ARHGEF12: variants seen among roughly 807,000 people sequenced by gnomAD.
ARHGEF12 encodes Rho guanine nucleotide exchange factor 12.
A neutral mutation model predicts 211.2 loss-of-function variants in ARHGEF12; 66 were observed. The ratio of observed to expected loss-of-function variants is 0.31; its 90% confidence interval spans 0.26 to 0.38. The LOEUF (loss-of-function observed/expected upper bound fraction) is 0.38, where lower values mean the gene tolerates loss of function less well. Ranked by LOEUF, ARHGEF12 falls within the 10% of genes least tolerant of loss-of-function variation. The pLI, the probability that ARHGEF12 is intolerant of heterozygous loss-of-function variation, is 1.00. For missense variants in ARHGEF12, 1,429 were observed against 1,869.5 expected, an observed-to-expected ratio of 0.76 and a Z score of 4.34; for synonymous variants, 592 against 638.4, an observed-to-expected ratio of 0.93 and a Z score of 1.09.
chr11:120,467,567 C>T (rs1467362522), intron 29 of ARHGEF12, among the ~76,000 whole-genome samples: 1 of 149,956 alleles, frequency 6.7e-6, no homozygotes, highest in Admixed American at 6.7e-5. Context: ...CTCAGCTTCC[C>T]GAACAGCTGG....
chr11:120,445,646 C>G (rs1013950462), intron 16 of ARHGEF12, among the ~76,000 whole-genome samples, 182 bp downstream of exon 16: 1 of 151,342 alleles, frequency 6.6e-6, no homozygotes, highest in African/African-American at 2.4e-5. Context: ...CGCCTGTAAT[C>G]CCAGCACTTT....
At chr11:120,421,879 A>G in intron 6 of ARHGEF12, 27 bp downstream of exon 6, 3 of 1,581,174 alleles carry the variant, frequency 1.9e-6, no homozygotes, top group South Asian at 2.3e-5. Context: ...TATAGAATTT[A>G]CGGTAGGATT....
At chr11:120,441,367 T>G (rs1286224007) in intron 13 of ARHGEF12, among the ~76,000 whole-genome samples, 1 of 152,196 alleles carries the variant, frequency 6.6e-6, no homozygotes, top group Non-Finnish European at 1.5e-5. Context: ...TAAACAGCTA[T>G]TTTATGATTG....
chr11:120,457,557 A>G (rs1284428052), intron 23 of ARHGEF12, 164 bp from the exon 24 acceptor site: 1 of 489,096 alleles, frequency 2.0e-6, no homozygotes, highest in African/African-American at 2.0e-5. Context: ...AAATGTAGAA[A>G]GGTACTCAAA....
intron 13 of ARHGEF12, 49 bp from the exon 14 acceptor site, chr11:120,441,658 T>C: frequency 7.0e-7 from 1 of 1,437,352 alleles, no homozygotes; most frequent in Non-Finnish European, 9.7e-7. Context: ...ACTTTGCATT[T>C]AGTATTTGTA....
Position 120,460,760 on chromosome 11 carries a change from A to G in ARHGEF12, c.2613+3A>G, listed in dbSNP as rs1255686193. On this transcript the variant is annotated splice_donor_region_variant and intron_variant, in intron 27 of 40. Transcript: ENST00000397843. Reference sequence around the variant, plus strand: ...TTGGGGAAGATTTGCTGACATGGGTAAGGAAATTTTCTGTTTCTTTTTAAT... The same window carrying G: ...TTGGGGAAGATTTGCTGACATGGGTGAGGAAATTTTCTGTTTCTTTTTAAT... 3 of 1,611,306 alleles carry G rather than the reference A, an allele frequency of 1.9e-6. No individual in the cohort carries two copies. The highest frequency in any genetic ancestry group is 2.5e-6 in the Non-Finnish European group (3 of 1,178,012).
chr11:120,480,462 T>C (rs762988842), intron 38 of ARHGEF12, 32 bp downstream of exon 38: 2 of 1,570,274 alleles, frequency 1.3e-6, no homozygotes, highest in South Asian at 2.4e-5. Flanking sequence ...ACTTTGATTT[T>C]GATTTTGATC....
chr11:120,421,183 G>T (rs974163079), intron 5 of ARHGEF12, among the ~76,000 whole-genome samples: 1 of 152,142 alleles, frequency 6.6e-6, no homozygotes, highest in African/African-American at 2.4e-5. Context: ...TAAAGAGATA[G>T]CTATGGCTTC....
At chr11:120,406,823 G>C (rs1388375146) in intron 2 of ARHGEF12, among the ~76,000 whole-genome samples, 2 of 152,182 alleles carry the variant, frequency 1.3e-5, no homozygotes, top group Non-Finnish European at 2.9e-5. Flanking sequence ...CTCCGAAAGT[G>C]CTGGGATTAC....
intron 7 of ARHGEF12, among the ~76,000 whole-genome samples, chr11:120,427,607 G>C (rs1168185764): frequency 6.6e-6 from 1 of 151,310 alleles, no homozygotes; most frequent in Non-Finnish European, 1.5e-5. Flanking sequence ...AGGAAGTCGA[G>C]GCTGCAGTGA....
intron 1 of ARHGEF12, among the ~76,000 whole-genome samples, chr11:120,388,062 T>A (rs1944093461): frequency 6.6e-6 from 1 of 152,186 alleles, no homozygotes; most frequent in Non-Finnish European, 1.5e-5. Context: ...AAAGGTTTCC[T>A]TGTGCATTTT....
intron 26 of ARHGEF12, among the ~76,000 whole-genome samples, chr11:120,459,828 C>T (rs561304445): frequency 6.6e-6 from 1 of 152,296 alleles, no homozygotes; most frequent in African/African-American, 2.4e-5. Context: ...CCCACCTCAG[C>T]CACCTGAGTA....
intron 1 of ARHGEF12, among the ~76,000 whole-genome samples, chr11:120,370,371 C>T (rs1481150395): frequency 1.3e-5 from 2 of 152,200 alleles, no homozygotes; most frequent in Non-Finnish European, 2.9e-5. Context: ...CGACACCAAA[C>T]TGTTCAGATT....
chr11:120,362,739 C>A (rs1385161706), intron 1 of ARHGEF12, among the ~76,000 whole-genome samples: 1 of 152,130 alleles, frequency 6.6e-6, no homozygotes, highest in African/African-American at 2.4e-5. Context: ...GGAAATAAAT[C>A]ATAGCTGATA....
At chr11:120,484,198 T>C (rs1157689341) in intron 39 of ARHGEF12, among the ~76,000 whole-genome samples, 1 of 152,220 alleles carries the variant, frequency 6.6e-6, no homozygotes, top group Non-Finnish European at 1.5e-5. Context: ...GGTTACCACC[T>C]CTACTTTCTT....
chr11:120,473,468 T>G (rs1946935414), intron 31 of ARHGEF12, among the ~76,000 whole-genome samples: 1 of 152,280 alleles, frequency 6.6e-6, no homozygotes, highest in African/African-American at 2.4e-5. Flanking sequence ...AGTGGTGCAG[T>G]CTTGGCTCAC....
At position 120,393,935 on chromosome 11, in the gene ARHGEF12, T is replaced by C. The variant is rs533524276; in HGVS notation, c.33-12183T>C. Among the ~76,000 whole-genome samples, 6 of 152,210 alleles carry C rather than the reference T, an allele frequency of 3.9e-5. No homozygotes were observed. The South Asian group carries it at 1.2e-3, about 32-fold the overall frequency. On this transcript the variant is annotated intron_variant, in intron 1 of 40. Coordinates refer to ENST00000397843, the MANE Select transcript of ARHGEF12 (RefSeq NM_015313.3). ...CACAATTCTGGGCTGTGAAGTAAAT[T>C]TCAATAAATTAAAAGGATTCAAGTC...
At chr11:120,481,978 C>G (rs1180193125) in intron 39 of ARHGEF12, among the ~76,000 whole-genome samples, 1 of 152,088 alleles carries the variant, frequency 6.6e-6, no homozygotes, top group Non-Finnish European at 1.5e-5. Flanking sequence ...CCAGGATGGT[C>G]TCGATCTCCT....
intron 28 of ARHGEF12, among the ~76,000 whole-genome samples, chr11:120,466,733 T>G (rs1367792363): frequency 7.9e-5 from 12 of 152,232 alleles, no homozygotes; most frequent in Non-Finnish European, 1.3e-4. Context: ...AAATATTTAC[T>G]ATCTGGCATT....
Sources: gnomAD v4.1 joint callset for allele counts (sites outside exome capture counted in the v4.1 genomes callset) on GRCh38, gnomAD v4.1.1 for gene constraint, MANE v1.5 for transcripts, NCBI Gene and HGNC (gene_info 2026-07-23, HGNC 2026-07-21) for gene names.